Variants in CEP85L observed in about 807,000 individuals in gnomAD.
CEP85L encodes centrosomal protein of 85 kDa-like.
A neutral mutation model predicts 100.3 loss-of-function variants in CEP85L; 60 were observed. That is an observed-to-expected ratio of 0.60 (90% CI 0.49 to 0.74). The LOEUF is 0.74. CEP85L is among the 30% of genes least tolerant of loss of function. CEP85L has a pLI of 0.00. For synonymous variants in CEP85L, 319 were observed against 322.7 expected, an observed-to-expected ratio of 0.99 and a Z score of 0.12; for missense variants, 973 against 936.2, an observed-to-expected ratio of 1.04 and a Z score of -0.51.
intron 4 of CEP85L, among the ~76,000 whole-genome samples, chr6:118,515,180 T>C (rs1291844986): frequency 6.6e-6 from 1 of 152,084 alleles, no homozygotes; most frequent in African/African-American, 2.4e-5. Flanking sequence ...AAAAGATCAA[T>C]TCATTAAGAC....
intron 2 of CEP85L, among the ~76,000 whole-genome samples, chr6:118,625,604 AAAG>A (rs1338342769): frequency 1.3e-5 from 2 of 152,210 alleles, no homozygotes; most frequent in Admixed American, 1.3e-4. Context: ...CTAACAGCTA[AAAG>A]AAGAAGAACC....
intron 10 of CEP85L, among the ~76,000 whole-genome samples, chr6:118,478,239 A>G (rs1562179218): frequency 6.6e-6 from 1 of 152,116 alleles, no homozygotes; most frequent in African/African-American, 2.4e-5. Context: ...AGATTTTTAT[A>G]GATATGCCTT....
intron 4 of CEP85L, among the ~76,000 whole-genome samples, chr6:118,523,020 A>T (rs1243758529): frequency 6.6e-6 from 1 of 152,226 alleles, no homozygotes; most frequent in East Asian, 1.9e-4. Context: ...AATGCGTTTA[A>T]AGGTTGAAAT....
chr6:118,643,228 T>C (rs1253637720), intron 1 of CEP85L, among the ~76,000 whole-genome samples: 2 of 152,202 alleles, frequency 1.3e-5, no homozygotes, highest in Non-Finnish European at 2.9e-5. Context: ...TAGTCCAACT[T>C]TTCAGTACAT....
At chr6:118,521,056 A>G (rs1215616146) in intron 4 of CEP85L, among the ~76,000 whole-genome samples, 2 of 152,206 alleles carry the variant, frequency 1.3e-5, no homozygotes, top group Non-Finnish European at 2.9e-5. Flanking sequence ...TTTGGATAAT[A>G]TATTTTCAGA....
At chr6:118,579,085 A>G (rs1203132066) in intron 2 of CEP85L, among the ~76,000 whole-genome samples, 1 of 152,098 alleles carries the variant, frequency 6.6e-6, no homozygotes, top group African/African-American at 2.4e-5. Context: ...TTGTAGAGAC[A>G]TTGTTTCACC....
At chr6:118,646,810 T>C (rs1775230124) in intron 1 of CEP85L, 2 of 406,260 alleles carry the variant, frequency 4.9e-6, no homozygotes, top group Non-Finnish European at 6.6e-6. Context: ...AGTATAAAAA[T>C]ACACATTTCA....
chr6:118,516,752 T>C (rs1776305508), intron 4 of CEP85L, among the ~76,000 whole-genome samples: 1 of 152,240 alleles, frequency 6.6e-6, no homozygotes, highest in Non-Finnish European at 1.5e-5. Context: ...TTAGTTTAAT[T>C]AGATCCCACT....
intron 1 of CEP85L, among the ~76,000 whole-genome samples, chr6:118,645,205 G>A (rs775407735): frequency 6.6e-6 from 1 of 152,130 alleles, no homozygotes; most frequent in Non-Finnish European, 1.5e-5. Context: ...CTTCACGTCT[G>A]GCTTCTTCTC....
intron 3 of CEP85L, among the ~76,000 whole-genome samples, chr6:118,542,501 T>C (rs1215384696): frequency 2.0e-5 from 3 of 152,180 alleles, no homozygotes; most frequent in Non-Finnish European, 4.4e-5. Flanking sequence ...TAGTTTAGTA[T>C]AATCAGAACA....
chr6:118,466,061 G>C (rs895512690), intron 12 of CEP85L, among the ~76,000 whole-genome samples: 4 of 152,106 alleles, frequency 2.6e-5, no homozygotes, highest in Admixed American at 2.6e-4. Context: ...GAGAGAGACA[G>C]AGAGGGAGAG....
chr6:118,628,637 AAAACAAACAAACAAACAAAC>A (rs138925552), intron 2 of CEP85L, among the ~76,000 whole-genome samples: 1 of 150,464 alleles, frequency 6.6e-6, no homozygotes, highest in African/African-American at 2.5e-5. Flanking sequence ...TCCATCCAAA[AAAACAAACAAACAAACAAAC>A]AAACAAACAA....
At chr6:118,504,782 C>T (rs969744341) in intron 5 of CEP85L, among the ~76,000 whole-genome samples, 2 of 151,968 alleles carry the variant, frequency 1.3e-5, no homozygotes, top group Admixed American at 6.6e-5. Context: ...TGGGTTCTGA[C>T]GCTATCTCTA....
intron 1 of CEP85L, among the ~76,000 whole-genome samples, chr6:118,649,481 T>TATG (rs1475411650): frequency 3.9e-5 from 6 of 152,100 alleles, no homozygotes; most frequent in Non-Finnish European, 7.4e-5. Flanking sequence ...CAATGAAAAA[T>TATG]AGACACCATG....
Position 118,648,463 on chromosome 6 carries a change from C to T in CEP85L, c.73+2734G>A, listed in dbSNP as rs990509714. The stretch of plus-strand genomic sequence containing the variant: ...ATTTTTAGAAAGTGGTTCTATAAGC[C>T]GGGCGCGGTGGCTCACGCCTGTAAT... On this transcript the variant is annotated intron_variant, in intron 1 of 12. Coordinates refer to ENST00000368491, the MANE Select transcript of CEP85L (RefSeq NM_001042475.3). Among the ~76,000 whole-genome samples the T allele has an allele frequency of 4.0e-5, 6 of 150,974 alleles. 1 individual carries two copies. The South Asian group carries it at 1.3e-3, about 32-fold the overall frequency.
intron 1 of CEP85L, among the ~76,000 whole-genome samples, chr6:118,683,840 G>T (rs945475214): frequency 6.6e-6 from 1 of 152,208 alleles, no homozygotes; most frequent in Non-Finnish European, 1.5e-5. Context: ...GTCATGGCAT[G>T]CTTGCCTCTG....
chr6:118,669,421 G>A lies in CEP85L; in HGVS notation c.-27-16613C>T, dbSNP rs75700306. The stretch of plus-strand genomic sequence containing the variant: ...TTTCCTTCATCTCTGGCAGTATTCC[G>A]TTGTTGTTCCAACTACCCACCCCCT... On this transcript the variant is annotated intron_variant, in intron 1 of 13. Coordinates refer to the CEP85L transcript ENST00000368488. 7.9e-3 allele frequency among the ~76,000 whole-genome samples: 1,201 copies of A among 151,836 alleles called. 13 individuals carry two copies. Among genetic ancestry groups the A allele is most frequent in the African/African-American group, 0.027 (1,136 of 41,420 alleles).
At chr6:118,476,283 G>GT (rs1256551783) in intron 10 of CEP85L, among the ~76,000 whole-genome samples, 361 of 140,508 alleles carry the variant, frequency 2.6e-3, no homozygotes, top group African/African-American at 3.0e-3. Flanking sequence ...CAGTGTGTGC[G>GT]TTTTTTTTTT....
intron 3 of CEP85L, among the ~76,000 whole-genome samples, chr6:118,541,927 T>A (rs892905326): frequency 1.3e-5 from 2 of 152,178 alleles, no homozygotes; most frequent in African/African-American, 4.8e-5. Flanking sequence ...ACTGACCAAA[T>A]CTTGAAAATT....
Sources: allele counts gnomAD v4.1 joint callset (sites outside exome capture counted in the v4.1 genomes callset), GRCh38; gene constraint gnomAD v4.1.1; transcripts MANE v1.5; gene names NCBI Gene and HGNC (gene_info 2026-07-23, HGNC 2026-07-21).